The following HDAC9 variants were observed in gnomAD, a reference collection of about 807,000 sequenced individuals.
HDAC9 encodes the protein histone deacetylase 9.
HDAC9 carries 41 observed loss-of-function variants against 139.4 expected under a neutral mutation model. That is an observed-to-expected ratio of 0.29 (90% CI 0.23 to 0.38). HDAC9 has a LOEUF of 0.38. Among genes scored for constraint, HDAC9 ranks in the 10% least tolerant of loss-of-function variants. The pLI, the probability that HDAC9 is intolerant of heterozygous loss-of-function variation, is 1.00. For synonymous variants in HDAC9, 517 were observed against 476.2 expected (o/e 1.09, Z -1.12); for missense variants, 1,147 against 1,297.0 (o/e 0.88, Z 1.78).
intron 1 of HDAC9, among the ~76,000 whole-genome samples, chr7:18,311,186 AAC>A (rs1799295953): frequency 6.6e-6 from 1 of 152,022 alleles, no homozygotes; most frequent in Non-Finnish European, 1.5e-5. Context: ...CACAGTACCA[AAC>A]AGTGTTCTAA....
At chr7:18,158,481 C>A (rs1159015735) in intron 1 of HDAC9, among the ~76,000 whole-genome samples, 1 of 152,158 alleles carries the variant, frequency 6.6e-6, no homozygotes, top group African/African-American at 2.4e-5. Context: ...CTCAAGTGGT[C>A]TGTAATTCCT....
At chr7:18,255,683 C>T (rs764466894) in intron 2 of HDAC9, among the ~76,000 whole-genome samples, 3 of 144,248 alleles carry the variant, frequency 2.1e-5, no homozygotes, top group South Asian at 2.2e-4. Context: ...GGCGGGCGCG[C>T]GGTGACGTGA....
At chr7:18,601,421 C>T (rs1460717039) in intron 6 of HDAC9, among the ~76,000 whole-genome samples, 2 of 151,728 alleles carry the variant, frequency 1.3e-5, no homozygotes, top group African/African-American at 2.4e-5. Flanking sequence ...TGGACAAAAA[C>T]GTTACTTTAT....
chr7:18,175,221 G>C (rs748268506), intron 2 of HDAC9, among the ~76,000 whole-genome samples: 1 of 152,152 alleles, frequency 6.6e-6, no homozygotes, highest in Non-Finnish European at 1.5e-5. Flanking sequence ...AGATTGCCAC[G>C]CTAGCAGTGA....
chr7:18,773,717 T>C (rs1439654559), intron 16 of HDAC9, among the ~76,000 whole-genome samples: 1 of 144,328 alleles, frequency 6.9e-6, no homozygotes, highest in Admixed American at 7.0e-5. Context: ...TGGTACTACC[T>C]AAAAAAAAAT....
chr7:18,170,504 A>T (rs1326152798), intron 2 of HDAC9, among the ~76,000 whole-genome samples: 3 of 152,140 alleles, frequency 2.0e-5, no homozygotes, highest in Admixed American at 6.5e-5. Context: ...TGTTTTAGTC[A>T]TGAAGTCCTT....
At chr7:18,176,495 A>C (rs1305250990) in intron 2 of HDAC9, among the ~76,000 whole-genome samples, 2 of 152,206 alleles carry the variant, frequency 1.3e-5, no homozygotes, top group African/African-American at 4.8e-5. Context: ...CTGTCTGTAA[A>C]ATAAGTTATT....
chr7:18,721,286 C>A (rs952940508), intron 12 of HDAC9, among the ~76,000 whole-genome samples: 4 of 152,026 alleles, frequency 2.6e-5, no homozygotes, highest in African/African-American at 9.7e-5. Context: ...CTCATTCCTT[C>A]CCTTCTGAAT....
At chr7:18,876,907 G>T (rs539993703) in intron 22 of HDAC9, among the ~76,000 whole-genome samples, 2 of 151,930 alleles carry the variant, frequency 1.3e-5, no homozygotes, top group East Asian at 3.9e-4. Flanking sequence ...TCATCATGTT[G>T]GTCAGGCTGG....
At chr7:18,245,239 T>C (rs1794446387) in intron 2 of HDAC9, among the ~76,000 whole-genome samples, 1 of 152,306 alleles carries the variant, frequency 6.6e-6, no homozygotes, top group Middle Eastern at 3.4e-3. Flanking sequence ...TAATTCTTTC[T>C]CCCTTGCAGG....
At chr7:18,994,118 CAT>C (rs1786254894) in intron 25 of HDAC9, among the ~76,000 whole-genome samples, 1 of 152,246 alleles carries the variant, frequency 6.6e-6, no homozygotes, top group South Asian at 2.1e-4. Context: ...ACCACAGAGA[CAT>C]GTGGATTCCT....
chr7:18,771,663 C>T (rs747262857), intron 16 of HDAC9, among the ~76,000 whole-genome samples: 1 of 152,012 alleles, frequency 6.6e-6, no homozygotes, highest in Non-Finnish European at 1.5e-5. Flanking sequence ...CTAATTATTA[C>T]ACCACATTGG....
intron 14 of HDAC9, 37 bp downstream of exon 14, chr7:18,749,175 A>T: frequency 1.2e-6 from 2 of 1,604,790 alleles, no homozygotes; most frequent in Non-Finnish European, 1.7e-6. Flanking sequence ...TACTTACTTA[A>T]ATAAATCATG....
intron 12 of HDAC9, among the ~76,000 whole-genome samples, chr7:18,672,636 G>T (rs997814882): frequency 2.0e-5 from 3 of 151,854 alleles, no homozygotes; most frequent in Admixed American, 6.6e-5. Flanking sequence ...CTAGTCCAGG[G>T]TTATAAAGAT....
intron 2 of HDAC9, among the ~76,000 whole-genome samples, chr7:18,563,979 G>C (rs1821454029): frequency 6.6e-6 from 1 of 151,856 alleles, no homozygotes; most frequent in South Asian, 2.1e-4. Context: ...GGGACTACAG[G>C]TGTGTGCCAC....
intron 2 of HDAC9, among the ~76,000 whole-genome samples, chr7:18,168,885 T>TG (rs1276241746): frequency 2.6e-4 from 27 of 104,114 alleles, no homozygotes; most frequent in Middle Eastern, 9.0e-3. Context: ...TCTTGTTTTT[T>TG]TTTTTTTTTT....
chr7:18,742,426 T>A (rs538740654), intron 13 of HDAC9, among the ~76,000 whole-genome samples: 1 of 152,216 alleles, frequency 6.6e-6, no homozygotes, highest in Non-Finnish European at 1.5e-5. Flanking sequence ...AATTAAGGTA[T>A]GTACATTGGT....
chr7:18,947,766 T>C (rs1024029532), intron 23 of HDAC9, among the ~76,000 whole-genome samples: 1 of 151,946 alleles, frequency 6.6e-6, no homozygotes, highest in South Asian at 2.1e-4. Context: ...GAGGCCTATG[T>C]GATACCAATA....
chr7:18,186,472 C>T (rs186488180), intron 2 of HDAC9, among the ~76,000 whole-genome samples: 1 of 152,320 alleles, frequency 6.6e-6, no homozygotes, highest in Admixed American at 6.5e-5. Flanking sequence ...AGGAGCATGA[C>T]ACTCAAAAAT....
Sources: gnomAD v4.1 joint callset for allele counts (sites outside exome capture counted in the v4.1 genomes callset) on GRCh38, gnomAD v4.1.1 for gene constraint, MANE v1.5 for transcripts, NCBI Gene and HGNC (gene_info 2026-07-23, HGNC 2026-07-21) for gene names.